BRD9: variants seen among roughly 807,000 people sequenced by gnomAD.
BRD9 encodes the protein bromodomain-containing protein 9.
A neutral mutation model predicts 68.7 loss-of-function variants in BRD9; 47 were observed. That is an observed-to-expected ratio of 0.68 (90% confidence interval 0.54 to 0.87). The LOEUF is 0.87. Ranked by LOEUF, BRD9 falls within the 40% of genes least tolerant of loss-of-function variation. The probability of loss-of-function intolerance (pLI) is 0.00; values close to 1 mark genes in which losing one functional copy is unlikely to be tolerated. For synonymous variants in BRD9, 313 were observed against 293.9 expected (o/e 1.06, Z -0.67); for missense variants, 670 against 748.4 (o/e 0.90, Z 1.22).
chr5:882,120 G>A (rs1751859123), intron 8 of BRD9: 1 of 152,980 alleles, frequency 6.5e-6, no homozygotes, highest in Non-Finnish European at 1.5e-5. Context: ...CCAGGTCCTG[G>A]CTTCTACACA....
intron 3 of BRD9, chr5:889,945 G>C (rs932493709): frequency 1.3e-5 from 5 of 388,150 alleles, no homozygotes; most frequent in African/African-American, 8.4e-5. Flanking sequence ...CTCTAGACAA[G>C]AAATGGACGA....
chr5:881,812 C>T (rs1751807761), intron 8 of BRD9: 1 of 153,750 alleles, frequency 6.5e-6, no homozygotes, highest in African/African-American at 2.4e-5. Context: ...TGCAAAGTCT[C>T]AGAGCCCACA....
Position 870,282 on chromosome 5 carries a change from C to G in BRD9, c.1525+191G>C, listed in dbSNP as rs908938634. 7.0e-6 allele frequency: 4 copies of G among 572,426 alleles called. No individual in the cohort carries two copies. In the African/African-American group the frequency reaches 7.6e-5, roughly 11 times the overall value. The allele number at this position is 572,426 out of a possible 1,614,324, so 35.5% of individuals were successfully genotyped here. A position where few individuals can be genotyped will look rare whatever the true frequency, so the allele number is the denominator to read the frequency against. On this transcript the variant is annotated intron_variant, in intron 14 of 15. Transcript: ENST00000467963. ...ACTTCTCATTAGCTTAAAAAAGACA[C>G]AACACTCAGGAGATTCCAAGGATTT...
At chr5:877,908 C>T (rs767260139) in intron 11 of BRD9, among the ~76,000 whole-genome samples, 6 of 152,070 alleles carry the variant, frequency 3.9e-5, no homozygotes, top group East Asian at 1.9e-4. Flanking sequence ...AGGATGGCCC[C>T]GGGAAGGCAC....
intron 14 of BRD9, chr5:865,961 C>T (rs1241933471): frequency 4.5e-5 from 8 of 177,478 alleles, no homozygotes; most frequent in African/African-American, 1.4e-4. Flanking sequence ...TGCAAGAGGC[C>T]GGCAGACCCT....
intron 2 of BRD9, 60 bp from the exon 3 acceptor site, chr5:891,347 G>A: frequency 6.6e-7 from 1 of 1,524,404 alleles, no homozygotes; most frequent in Non-Finnish European, 8.8e-7. Context: ...GGACAGGTCT[G>A]CCCAATCCCC....
intron 7 of BRD9, among the ~76,000 whole-genome samples, chr5:884,994 C>T (rs1300698921): frequency 6.6e-6 from 1 of 152,236 alleles, no homozygotes; most frequent in Non-Finnish European, 1.5e-5. Context: ...AGCTGCAGCA[C>T]CAGAGACACC....
At chr5:874,230 T>G (rs569784347) in intron 12 of BRD9, among the ~76,000 whole-genome samples, 26 of 152,372 alleles carry the variant, frequency 1.7e-4, no homozygotes, top group Admixed American at 4.6e-4. Flanking sequence ...CCTGTGGAGC[T>G]GATGACAGGT....
rs976292501 is a variant in BRD9, at chr5:881,259, A to G, written c.967-77T>C. ...ACAAATGAAATGAAGACCAACAAGC[A>G]GGGCTTAATGGGGGTGAAAGCACAT... is the stretch of plus-strand genomic sequence containing the variant. On this transcript the variant is annotated intron_variant, in intron 8 of 15. Coordinates refer to ENST00000467963, the MANE Select transcript of BRD9 (RefSeq NM_023924.5). 17 of 1,366,264 alleles carry G rather than the reference A, an allele frequency of 1.2e-5. No homozygotes were observed. In the African/African-American group the frequency reaches 2.3e-4, roughly 19 times the overall value. 84.6% of individuals were successfully genotyped at this position (1,366,264 alleles called of 1,614,324 possible).
intron 7 of BRD9, among the ~76,000 whole-genome samples, chr5:885,524 A>AC (rs1752426826): frequency 6.6e-6 from 1 of 152,266 alleles, no homozygotes; most frequent in African/African-American, 2.4e-5. Context: ...GACGTTCAGT[A>AC]CCAACTCCAG....
rs1258262923 is a variant in BRD9, at chr5:876,139, C to T, written c.1345G>A (p.Gly449Ser). ...AAGAGCGTCCTAGAGTGGTCTCCGC[C>T]TGTGATCTGGTCCAGGAGGTCGTCC... ...VVDDLLDQIT[G>S]GDHSRTLFQL... Residue 449 changes from glycine to serine, a missense_variant, in exon 12 of 16, where the codon GGC becomes AGC. Gly to Ser is a moderately conservative substitution (Grantham distance 56). Transcript: ENST00000467963. 3 of 1,613,706 alleles carry T rather than the reference C, an allele frequency of 1.9e-6. No homozygotes were observed. The highest frequency in any genetic ancestry group is 1.3e-5 in the African/African-American group (1 of 74,912).
intron 3 of BRD9, 43 bp downstream of exon 3, chr5:891,112 T>C (rs755286200): frequency 4.5e-5 from 68 of 1,504,078 alleles, no homozygotes; most frequent in Non-Finnish European, 6.0e-5. Context: ...TTTACAACGA[T>C]GAGCTGTGAA....
At chr5:885,263 G>A (rs1752378842) in intron 7 of BRD9, among the ~76,000 whole-genome samples, 1 of 152,184 alleles carries the variant, frequency 6.6e-6, no homozygotes, top group African/African-American at 2.4e-5. Context: ...ACCGCCTTAG[G>A]GGACTGTCGT....
At chr5:891,022 G>A in intron 3 of BRD9, 133 bp downstream of exon 3, 1 of 1,198,934 alleles carries the variant, frequency 8.3e-7, no homozygotes, top group South Asian at 1.8e-5. Flanking sequence ...GAGGACACCT[G>A]GGATGAGGCC....
In BRD9 at chr5:892,028, T is replaced by A. The variant is rs191777299; in HGVS notation, c.53-174A>T. 538 of 1,063,660 alleles carry A rather than the reference T, an allele frequency of 5.1e-4. 2 individuals are homozygous for A. The African/African-American group carries it at 6.8e-3, about 14-fold the overall frequency. 65.9% of individuals were successfully genotyped at this position (1,063,660 alleles called of 1,614,324 possible). A position where few individuals can be genotyped will look rare whatever the true frequency, so the allele number is the denominator to read the frequency against. On this transcript the variant is annotated intron_variant, in intron 1 of 15. Transcript: ENST00000467963. ...CAGTGGCGGCATGTCACTGCCTCCT[T>A]GTTCTCCCTTCCCCTCCGCAGGGAG...
chr5:888,233 A>G (rs971213332), intron 5 of BRD9: 1 of 152,392 alleles, frequency 6.6e-6, no homozygotes, highest in Non-Finnish European at 1.5e-5. Flanking sequence ...TCCCCTTCTC[A>G]CTTTGTTGCT....
In BRD9 at chr5:865,591, C is replaced by T. The variant is rs1749269672; in HGVS notation, c.1526-10G>A. On this transcript the variant is annotated splice_polypyrimidine_tract_variant and intron_variant, in intron 14 of 15. Transcript: ENST00000467963. ...TCCTTCTTCACCTTCCCTGTGTAAA[C>T]AGGACATGACCCCACGTCGGCTGAG... 4 of 1,585,230 alleles carry T rather than the reference C, an allele frequency of 2.5e-6. No homozygotes were observed. The highest frequency in any genetic ancestry group is 1.3e-5 in the African/African-American group (1 of 74,630).
rs1752619291 is a variant in BRD9 at position 886,682 on chromosome 5, T to A, written c.743A>T (p.Asp248Val). The A allele has an allele frequency of 6.2e-7, 1 of 1,614,196 alleles. No homozygotes were observed. Among genetic ancestry groups the A allele is most frequent in the African/African-American group, 1.3e-5 (1 of 75,056 alleles). The part of the protein sequence containing the change: ...SKQAALLGNE[D>V]TAVEEPVPEV... The stretch of plus-strand genomic sequence containing the variant: ...AGGGACAGGTTCCTCAACAGCTGTA[T>A]CTTCATTGCCCAAAAGAGCTGCCTG... Residue 248 changes from aspartate to valine, a missense_variant, in exon 7 of 16, where the codon GAT becomes GTT. Transcript: ENST00000467963.
intron 15 of BRD9, among the ~76,000 whole-genome samples, chr5:864,843 G>C (rs1749108553): frequency 6.6e-6 from 1 of 152,132 alleles, no homozygotes; most frequent in South Asian, 2.1e-4. Flanking sequence ...CCTCAGGGCA[G>C]TTCCCAAAGT....
Sources: allele counts gnomAD v4.1 joint callset (sites outside exome capture counted in the v4.1 genomes callset), GRCh38; gene constraint gnomAD v4.1.1; transcripts MANE v1.5; gene names NCBI Gene and HGNC (gene_info 2026-07-23, HGNC 2026-07-21).